RORA: variants seen among roughly 807,000 people sequenced by gnomAD.
The protein encoded by RORA is nuclear receptor ROR-alpha.
Under a neutral mutation model 69.5 loss-of-function variants are expected in RORA, and 7 were observed. That is an observed-to-expected ratio of 0.10 (90% CI 0.06 to 0.19). The LOEUF (loss-of-function observed/expected upper bound fraction) is 0.19, where lower values mean the gene tolerates loss of function less well. Among genes scored for constraint, RORA ranks in the 10% least tolerant of loss-of-function variants. The pLI, the probability that RORA is intolerant of heterozygous loss-of-function variation, is 1.00. For synonymous variants in RORA, 261 were observed against 240.8 expected (o/e 1.08, Z -0.78); for missense variants, 457 against 663.0 (o/e 0.69, Z 3.41).
intron 2 of RORA, among the ~76,000 whole-genome samples, chr15:60,628,473 C>T (rs1029565945): frequency 6.6e-6 from 1 of 152,178 alleles, no homozygotes; most frequent in African/African-American, 2.4e-5. Context: ...TCAAGGGATC[C>T]TCCTGCCTCA....
intron 1 of RORA, among the ~76,000 whole-genome samples, chr15:60,862,175 A>G (rs539910733): frequency 4.6e-5 from 7 of 152,332 alleles, no homozygotes; most frequent in Non-Finnish European, 1.0e-4. Flanking sequence ...GAATTTTTCT[A>G]ACTCAGTGGA....
chr15:60,710,260 G>T (rs963035334), intron 1 of RORA, among the ~76,000 whole-genome samples: 3 of 152,138 alleles, frequency 2.0e-5, no homozygotes, highest in African/African-American at 7.2e-5. Flanking sequence ...AGGCCGAGGT[G>T]GGTGGATCAC....
chr15:60,511,243 A>T lies in RORA; in HGVS notation c.803T>A (p.Val268Glu). The T allele has an allele frequency of 1.9e-6, 3 of 1,613,190 alleles. No homozygotes were observed. The highest frequency in any genetic ancestry group is 2.5e-6 in the Non-Finnish European group (3 of 1,179,452). Residue 268 changes from valine (V) to glutamate (E), a missense_variant, in exon 5 of 11, where the codon GTG becomes GAG. Physicochemically the swap from Val to Glu is moderately radical, Grantham distance 121. Transcript: ENST00000335670. The surrounding 1 kb of genome is among the most constrained non-coding windows in gnomAD (Gnocchi z 6.4). ...GCCATTACCTAATTCTGCCATGGAC[A>T]CAGTTGGGGAAGTCTCGCCGTTGGT... Reference protein sequence around the residue: ...SFTNGETSPTVSMAELEHLAQ... With the variant: ...SFTNGETSPTESMAELEHLAQ...
intron 1 of RORA, among the ~76,000 whole-genome samples, chr15:61,186,554 T>C (rs570247744): frequency 7.0e-6 from 1 of 142,004 alleles, no homozygotes; most frequent in Non-Finnish European, 1.5e-5. Context: ...GGCAGGAGAA[T>C]TGCCTGAACC....
At chr15:60,727,746 C>A (rs1202788129) in intron 1 of RORA, among the ~76,000 whole-genome samples, 4 of 152,148 alleles carry the variant, frequency 2.6e-5, no homozygotes, top group Non-Finnish European at 5.9e-5. Flanking sequence ...TCGCTCTTAT[C>A]CCACCTAGTA....
intron 1 of RORA, among the ~76,000 whole-genome samples, chr15:61,021,127 C>T (rs1895499761): frequency 6.6e-6 from 1 of 152,172 alleles, no homozygotes; most frequent in Non-Finnish European, 1.5e-5. Flanking sequence ...AAGTTCACAC[C>T]TGTGTTCCAA....
At chr15:60,820,960 AC>A (rs1406667914) in intron 1 of RORA, among the ~76,000 whole-genome samples, 2 of 108,806 alleles carry the variant, frequency 1.8e-5, no homozygotes, top group African/African-American at 7.5e-5. Context: ...TCTAACCCCC[AC>A]CCCCCACCCC....
At chr15:60,651,689 A>C (rs538613559) in intron 2 of RORA, among the ~76,000 whole-genome samples, 1 of 152,326 alleles carries the variant, frequency 6.6e-6, no homozygotes, top group African/African-American at 2.4e-5. Context: ...CACAAACCAC[A>C]CAGCTTTCTG....
At chr15:60,644,554 C>T (rs887920948) in intron 2 of RORA, among the ~76,000 whole-genome samples, 11 of 152,198 alleles carry the variant, frequency 7.2e-5, no homozygotes, top group African/African-American at 1.9e-4. Context: ...AAAGTATTAA[C>T]GTGTAAACAT....
intron 1 of RORA, among the ~76,000 whole-genome samples, chr15:60,928,875 C>A (rs1050780219): frequency 2.6e-5 from 4 of 152,184 alleles, no homozygotes; most frequent in African/African-American, 9.7e-5. Context: ...GGCTGGGGCA[C>A]CAGGTGTACA....
In RORA at chr15:60,691,907, A is replaced by C. The variant is rs1340928443; in HGVS notation, c.167-13221T>G. ...ATCTCATATTGGCTCTGGGATAATA[A>C]AGAATCTGCAGAAAACTTTTTAGTT... On this transcript the variant is annotated intron_variant, in intron 1 of 10. Transcript: ENST00000335670. Among the ~76,000 whole-genome samples the C allele has an allele frequency of 2.0e-5, 3 of 152,230 alleles. No homozygotes were observed. In the East Asian group the frequency reaches 5.8e-4, roughly 29 times the overall value.
chr15:60,891,503 C>G (rs7174236), intron 1 of RORA, among the ~76,000 whole-genome samples: 22,266 of 152,170 alleles, frequency 0.15, 1,948 homozygotes, highest in South Asian at 0.19. Flanking sequence ...AATATTAGCT[C>G]CAGAGAAAGT....
Position 60,505,531 on chromosome 15 carries a change from C to T in RORA, c.919G>A (p.Glu307Lys). The change falls in exon 6 of 11, where the codon GAA (glutamate) becomes AAA (lysine). Residue 307 changes from glutamate to lysine, a missense_variant. Coordinates refer to ENST00000335670, the MANE Select transcript of RORA (RefSeq NM_134261.3). ...ACCTTGTTTTGATAGTTCTCAATTT[C>T]TTCCTGTAAAAAGGTCTGCCACGTT... Reference protein sequence around the residue: ...QITWQTFLQEEIENYQNKQRE... With the variant: ...QITWQTFLQEKIENYQNKQRE... 1 of 1,614,024 alleles carries T rather than the reference C, an allele frequency of 6.2e-7. No individual in the cohort carries two copies. The highest frequency in any genetic ancestry group is 8.5e-7 in the Non-Finnish European group (1 of 1,179,920).
At chr15:60,842,911 T>G (rs1466338556) in intron 1 of RORA, among the ~76,000 whole-genome samples, 9 of 152,182 alleles carry the variant, frequency 5.9e-5, no homozygotes, top group African/African-American at 2.2e-4. Flanking sequence ...ATCTGCTGAG[T>G]GAGAGTGGGT....
At position 60,998,160 on chromosome 15, in the gene RORA, T is replaced by C. The variant is rs79955596; in HGVS notation, c.166+230893A>G. Among the ~76,000 whole-genome samples, 1,035 of 152,290 alleles carry C rather than the reference T, an allele frequency of 6.8e-3. 11 individuals carry two copies. The highest frequency in any genetic ancestry group is 0.023 in the African/African-American group (972 of 41,554). ...CTTTTAACCAAAGCTGCCTTCATCA[T>C]GTATAATCTTTCTTTTTTTCTGAGA... On this transcript the variant is annotated intron_variant, in intron 1 of 10. Transcript: ENST00000335670.
intron 1 of RORA, among the ~76,000 whole-genome samples, chr15:60,843,183 T>A (rs1220165564): frequency 6.6e-6 from 1 of 152,152 alleles, no homozygotes; most frequent in Non-Finnish European, 1.5e-5. Flanking sequence ...TGGTGATTTG[T>A]TTTTTCCTTG....
chr15:60,963,564 C>T (rs1439846953), intron 1 of RORA, among the ~76,000 whole-genome samples: 2 of 152,148 alleles, frequency 1.3e-5, no homozygotes, highest in African/African-American at 4.8e-5. Context: ...ACGGGGTAAG[C>T]CAATAAAGAA....
intron 1 of RORA, among the ~76,000 whole-genome samples, chr15:61,071,663 GT>G: frequency 1.4e-5 from 1 of 69,342 alleles, no homozygotes; most frequent in Non-Finnish European, 2.8e-5. Context: ...GTGGGGAGGG[GT>G]GGGGAGGGGA....
chr15:60,727,085 AGGG>A (rs2071368255), intron 1 of RORA, among the ~76,000 whole-genome samples: 1 of 152,216 alleles, frequency 6.6e-6, no homozygotes, highest in Non-Finnish European at 1.5e-5. Context: ...CAGCAAGCCC[AGGG>A]ATTACACTGC....
Sources: allele counts gnomAD v4.1 joint callset (sites outside exome capture counted in the v4.1 genomes callset), GRCh38; gene constraint gnomAD v4.1.1; non-coding constraint Gnocchi (gnomAD v3.1); transcripts MANE v1.5; gene names NCBI Gene and HGNC (gene_info 2026-07-23, HGNC 2026-07-21).